The following CDC16 variants were observed in gnomAD, a reference collection of about 807,000 sequenced individuals.
The protein encoded by CDC16 is cell division cycle protein 16 homolog.
In CDC16, 34 loss-of-function variants were observed where a neutral mutation model predicts 87.0. The observed-to-expected ratio is 0.39, with a 90% CI of 0.30 to 0.52. CDC16 has a LOEUF of 0.52. Ranked by LOEUF, CDC16 falls within the 20% of genes least tolerant of loss-of-function variation. The pLI is 0.74. For synonymous variants in CDC16, 263 were observed against 260.6 expected (o/e 1.01, Z -0.09); for missense variants, 653 against 751.9 (o/e 0.87, Z 1.54).
intron 10 of CDC16, among the ~76,000 whole-genome samples, chr13:114,246,630 A>G (rs2081888680): frequency 6.6e-6 from 1 of 152,230 alleles, no homozygotes; most frequent in Admixed American, 6.5e-5. Flanking sequence ...AGAGCAAGGA[A>G]GAGCCAGGGT....
chr13:114,246,064 T>A lies in CDC16; in HGVS notation c.897+15T>A. On this transcript the variant is annotated intron_variant, in intron 10 of 17. Transcript: ENST00000356221. ...CTAGTAATCCTGTAAGTAATATAAC[T>A]TTTAGTCTTAGTTTTTTTTTTTTTA... The A allele has an allele frequency of 1.6e-6, 2 of 1,280,020 alleles. No homozygotes were observed. Among genetic ancestry groups the A allele is most frequent in the South Asian group, 1.3e-5 (1 of 74,754 alleles). The allele number at this position is 1,280,020 out of a possible 1,614,324, so 79.3% of individuals were successfully genotyped here.
At chr13:114,245,188 C>T (rs2081793159) in intron 9 of CDC16, among the ~76,000 whole-genome samples, 1 of 151,938 alleles carries the variant, frequency 6.6e-6, no homozygotes, top group Non-Finnish European at 1.5e-5. Flanking sequence ...ATCACTGCTT[C>T]CTACTACCTT....
chr13:114,264,734 A>G (rs2083087623), intron 16 of CDC16, among the ~76,000 whole-genome samples: 1 of 151,958 alleles, frequency 6.6e-6, no homozygotes, highest in Non-Finnish European at 1.5e-5. Context: ...CCTCCAGAGT[A>G]TCTAGGATTA....
chr13:114,262,962 A>G lies in CDC16; in HGVS notation c.1460A>G (p.Tyr487Cys). The change falls in exon 16 of 18, where the codon TAT (tyrosine) becomes TGT (cysteine). Residue 487 changes from tyrosine to cysteine, a missense_variant. Coordinates refer to ENST00000356221, the MANE Select transcript of CDC16 (RefSeq NM_001078645.3). ...GCATCCACCTACTCTGCTATTGGAT[A>G]TATCCACAGTCTGATGGGCAACTTT... ...QNASTYSAIG[Y>C]IHSLMGNFEN... The G allele has an allele frequency of 1.2e-6, 2 of 1,613,556 alleles. No individual in the cohort carries two copies. The highest frequency in any genetic ancestry group is 1.7e-6 in the Non-Finnish European group (2 of 1,179,428).
chr13:114,238,464 C>T (rs1009296681), intron 3 of CDC16, among the ~76,000 whole-genome samples: 3 of 142,004 alleles, frequency 2.1e-5, no homozygotes, highest in South Asian at 2.2e-4. Flanking sequence ...GCGAGCTCCT[C>T]GGACGCCCAG....
At chr13:114,239,114 T>C in intron 4 of CDC16, 86 bp downstream of exon 4, 2 of 1,541,908 alleles carry the variant, frequency 1.3e-6, no homozygotes, top group Non-Finnish European at 1.8e-6. Context: ...ATTTTAGTGA[T>C]GGAGCTTAGC....
intron 8 of CDC16, 49 bp downstream of exon 8, chr13:114,244,038 C>G: frequency 1.1e-5 from 15 of 1,328,984 alleles, no homozygotes; most frequent in Non-Finnish European, 1.6e-5. Context: ...TTCACTCCAT[C>G]TTACCTAGGT....
At position 114,270,819 on chromosome 13, in the gene CDC16, T is replaced by C. The variant is rs151201839; in HGVS notation, c.1604-1365T>C. ...GTCTGAGCCTTAGTTTCCTCATTTGTTCAAGGGTGGGAAGTTCATAGGAAG... is the reference window on the plus strand; with the variant it reads ...GTCTGAGCCTTAGTTTCCTCATTTGCTCAAGGGTGGGAAGTTCATAGGAAG... On this transcript the variant is annotated intron_variant, in intron 17 of 17. Coordinates refer to ENST00000356221, the MANE Select transcript of CDC16 (RefSeq NM_001078645.3). 2.4e-3 allele frequency among the ~76,000 whole-genome samples: 358 copies of C among 152,286 alleles called. 1 individual carries two copies. Among genetic ancestry groups the C allele is most frequent in the African/African-American group, 8.3e-3 (346 of 41,576 alleles).
chr13:114,256,852 T>A (rs745522264), intron 12 of CDC16, among the ~76,000 whole-genome samples: 2 of 152,148 alleles, frequency 1.3e-5, no homozygotes, highest in South Asian at 4.1e-4. Flanking sequence ...GGAATAATAA[T>A]GAAAATTAAA....
intron 9 of CDC16, 86 bp from the exon 10 acceptor site, chr13:114,245,914 T>C (rs924624729): frequency 1.1e-5 from 8 of 729,520 alleles, no homozygotes; most frequent in Non-Finnish European, 1.6e-5. Flanking sequence ...AGCAGAATTA[T>C]ATGATTGTGA....
At chr13:114,255,799 C>T (rs936621342) in intron 12 of CDC16, among the ~76,000 whole-genome samples, 6 of 152,142 alleles carry the variant, frequency 3.9e-5, no homozygotes, top group African/African-American at 9.7e-5. Flanking sequence ...CATACCACCA[C>T]GCTTGGCTAA....
Position 114,265,196 on chromosome 13 carries a change from G to A in CDC16, c.1559G>A (p.Gly520Asp), listed in dbSNP as rs1441136593. ...GATACATTTTCTGTTACAATGCTTGGTCATTGCATCGAAATGTACATTGGT... is the reference window on the plus strand; with the variant it reads ...GATACATTTTCTGTTACAATGCTTGATCATTGCATCGAAATGTACATTGGT... The part of the protein sequence containing the change: ...RDDTFSVTML[G>D]HCIEMYIGDS... Residue 520 changes from glycine (G) to aspartate (D), a missense_variant, in exon 17 of 18, where the codon GGT becomes GAT. Coordinates refer to ENST00000356221, the MANE Select transcript of CDC16 (RefSeq NM_001078645.3). The A allele has an allele frequency of 1.2e-6, 2 of 1,612,466 alleles. No individual in the cohort carries two copies. Among genetic ancestry groups the A allele is most frequent in the Non-Finnish European group, 8.5e-7 (1 of 1,178,680 alleles).
At chr13:114,252,877 T>C (rs1322771769) in intron 12 of CDC16, among the ~76,000 whole-genome samples, 1 of 152,206 alleles carries the variant, frequency 6.6e-6, no homozygotes, top group Admixed American at 6.5e-5. Context: ...CTCACACCTG[T>C]AATCCCAGCA....
At chr13:114,251,107 C>G (rs1470695872) in intron 12 of CDC16, among the ~76,000 whole-genome samples, 1 of 152,166 alleles carries the variant, frequency 6.6e-6, no homozygotes, top group Non-Finnish European at 1.5e-5. Flanking sequence ...GAATGTGTTA[C>G]TTTGAGGAGT....
intron 12 of CDC16, among the ~76,000 whole-genome samples, chr13:114,253,495 G>A (rs185503006): frequency 2.6e-4 from 40 of 152,058 alleles, no homozygotes; most frequent in African/African-American, 8.7e-4. Flanking sequence ...TTCAAGACCA[G>A]CCTGGCCAAT....
intron 11 of CDC16, among the ~76,000 whole-genome samples, chr13:114,249,656 G>C (rs1401393376): frequency 6.6e-6 from 1 of 152,064 alleles, no homozygotes; most frequent in Non-Finnish European, 1.5e-5. Flanking sequence ...CTGTAACCAG[G>C]GTATATCTGT....
chr13:114,272,588 T>G lies in CDC16; in HGVS notation c.*145T>G. ...GGAACAGAGACCCGCCTTAAGAGAC[T>G]GGATCGCACACCTTTGCAACAGATG... On this transcript the variant is annotated 3_prime_UTR_variant, in exon 18 of 18. Coordinates refer to ENST00000356221, the MANE Select transcript of CDC16 (RefSeq NM_001078645.3). 1 of 625,140 alleles carries G rather than the reference T, an allele frequency of 1.6e-6. No individual in the cohort carries two copies. The highest frequency in any genetic ancestry group is 2.8e-5 in the East Asian group (1 of 36,074). The allele number at this position is 625,140 out of a possible 1,614,324, so 38.7% of individuals were successfully genotyped here.
chr13:114,266,223 A>G (rs1170305057), intron 17 of CDC16, among the ~76,000 whole-genome samples: 1 of 152,138 alleles, frequency 6.6e-6, no homozygotes. Flanking sequence ...CTGTCTGCTT[A>G]TGTGTCTTGG....
At chr13:114,237,707 T>C (rs2081324286) in intron 3 of CDC16, among the ~76,000 whole-genome samples, 1 of 152,230 alleles carries the variant, frequency 6.6e-6, no homozygotes, top group South Asian at 2.1e-4. Flanking sequence ...TAAACAGCTC[T>C]GGAATCATGG....
Sources: gnomAD v4.1 joint callset for allele counts (sites outside exome capture counted in the v4.1 genomes callset) on GRCh38, gnomAD v4.1.1 for gene constraint, MANE v1.5 for transcripts, NCBI Gene and HGNC (gene_info 2026-07-23, HGNC 2026-07-21) for gene names.